SNX30: variants seen among roughly 807,000 people sequenced by gnomAD.
The protein encoded by SNX30 is sorting nexin family member 30.
SNX30 carries 24 observed loss-of-function variants against 46.4 expected under a neutral mutation model. That is an observed-to-expected ratio of 0.52 (90% CI 0.37 to 0.73). The LOEUF is 0.73. SNX30 is among the 30% of genes least tolerant of loss of function. The probability of loss-of-function intolerance (pLI) is 0.00; values close to 1 mark genes in which losing one functional copy is unlikely to be tolerated. For missense variants in SNX30, 533 were observed against 555.7 expected (o/e 0.96, Z 0.41); for synonymous variants, 189 against 211.5 (o/e 0.89, Z 0.92).
intron 1 of SNX30, among the ~76,000 whole-genome samples, chr9:112,784,808 G>A (rs1839896091): frequency 6.6e-6 from 1 of 152,158 alleles, no homozygotes; most frequent in Non-Finnish European, 1.5e-5. Flanking sequence ...CTCCCTCTCT[G>A]AAGCCTTCCT....
At chr9:112,766,815 G>A (rs922201699) in intron 1 of SNX30, among the ~76,000 whole-genome samples, 2 of 152,148 alleles carry the variant, frequency 1.3e-5, no homozygotes, top group Non-Finnish European at 2.9e-5. Flanking sequence ...AGGCTGTATA[G>A]TATTTCATTG....
chr9:112,770,448 G>C (rs113915085), intron 1 of SNX30, among the ~76,000 whole-genome samples: 3 of 152,000 alleles, frequency 2.0e-5, no homozygotes, highest in African/African-American at 7.2e-5. Context: ...TGGGATTACA[G>C]GTATGAGCCA....
chr9:112,829,734 C>CTCCACATCCTCACCAACACTTGTTTTTT (rs1840632248), intron 3 of SNX30, among the ~76,000 whole-genome samples: 1 of 152,082 alleles, frequency 6.6e-6, no homozygotes, highest in East Asian at 1.9e-4. Context: ...GTTCTGATTT[C>CTCCACATCCTCACCAACACTTGTTTTTT]TCCACATCCT....
At chr9:112,815,030 A>C (rs1364816127) in intron 2 of SNX30, among the ~76,000 whole-genome samples, 3 of 152,240 alleles carry the variant, frequency 2.0e-5, no homozygotes, top group Non-Finnish European at 4.4e-5. Flanking sequence ...TGAGTAAATG[A>C]ATGAATATGC....
chr9:112,851,931 A>G (rs1841034299), intron 7 of SNX30, among the ~76,000 whole-genome samples: 1 of 152,234 alleles, frequency 6.6e-6, no homozygotes, highest in South Asian at 2.1e-4. Flanking sequence ...CTTTTAAAAT[A>G]TATACAAACA....
intron 3 of SNX30, among the ~76,000 whole-genome samples, chr9:112,827,651 T>C (rs1840597849): frequency 6.6e-6 from 1 of 152,170 alleles, no homozygotes; most frequent in Admixed American, 6.5e-5. Context: ...AGTCCACTAA[T>C]CCTTGTTGCT....
At chr9:112,814,546 T>TA (rs2131416865) in intron 2 of SNX30, among the ~76,000 whole-genome samples, 1 of 152,318 alleles carries the variant, frequency 6.6e-6, no homozygotes, top group Admixed American at 6.5e-5. Flanking sequence ...TGGCTGGACT[T>TA]ATAATTTTTA....
At chr9:112,820,232 A>AT (rs141902455) in intron 3 of SNX30, among the ~76,000 whole-genome samples, 10,217 of 150,512 alleles carry the variant, frequency 0.068, 446 homozygotes, top group Non-Finnish European at 0.099. Flanking sequence ...CAGAAACTTA[A>AT]TTTTTTTTCA....
intron 1 of SNX30, among the ~76,000 whole-genome samples, chr9:112,762,249 G>A (rs1409787646): frequency 6.6e-6 from 1 of 151,984 alleles, no homozygotes; most frequent in Non-Finnish European, 1.5e-5. Context: ...TGGGGGGGAA[G>A]TGGGATAGTG....
intron 3 of SNX30, among the ~76,000 whole-genome samples, chr9:112,823,269 T>C (rs1247647894): frequency 2.6e-5 from 4 of 152,148 alleles, no homozygotes; most frequent in African/African-American, 4.8e-5. Flanking sequence ...TTGGAATGTA[T>C]CCCCCTAGGA....
intron 1 of SNX30, among the ~76,000 whole-genome samples, chr9:112,783,386 TTAAG>T (rs1001187631): frequency 6.6e-6 from 1 of 152,188 alleles, no homozygotes; most frequent in Admixed American, 6.5e-5. Flanking sequence ...ATTTTAAGGG[TTAAG>T]TGAGACATTT....
intron 4 of SNX30, among the ~76,000 whole-genome samples, chr9:112,835,043 C>T (rs375138407): frequency 8.5e-5 from 13 of 152,252 alleles, no homozygotes; most frequent in African/African-American, 3.1e-4. Flanking sequence ...CCATGTTAGC[C>T]GCACATTCCA....
intron 4 of SNX30, among the ~76,000 whole-genome samples, chr9:112,831,548 G>A (rs1840659462): frequency 6.6e-6 from 1 of 152,188 alleles, no homozygotes; most frequent in Admixed American, 6.5e-5. Flanking sequence ...TTACAGACAA[G>A]GAAACTCAAG....
intron 3 of SNX30, among the ~76,000 whole-genome samples, 163 bp from the exon 4 acceptor site, chr9:112,830,562 G>A (rs1014162639): frequency 1.3e-5 from 2 of 152,038 alleles, no homozygotes; most frequent in African/African-American, 2.4e-5. Flanking sequence ...TTTACTCCAT[G>A]TGTATTTTTC....
intron 1 of SNX30, among the ~76,000 whole-genome samples, chr9:112,765,849 G>C (rs1056246758): frequency 5.9e-5 from 9 of 152,042 alleles, no homozygotes; most frequent in Non-Finnish European, 8.8e-5. Context: ...TGTTGCCCAG[G>C]CTGGAGTGCA....
chr9:112,866,450 G>C (rs777029479), intron 8 of SNX30: 2 of 470,748 alleles, frequency 4.2e-6, no homozygotes, highest in Non-Finnish European at 8.8e-6. Context: ...TAGAAAACTG[G>C]TATGGCCTTG....
chr9:112,787,026 TG>T (rs1243117538), intron 1 of SNX30, among the ~76,000 whole-genome samples: 1 of 152,122 alleles, frequency 6.6e-6, no homozygotes, highest in African/African-American at 2.4e-5. Flanking sequence ...GTCATGTCAG[TG>T]GGAATGTGGG....
upstream of SNX30, among the ~76,000 whole-genome samples, chr9:112,750,172 G>A (rs1177170105): frequency 6.6e-6 from 1 of 152,196 alleles, no homozygotes; most frequent in Non-Finnish European, 1.5e-5. Context: ...TCTGAGGTTT[G>A]ACTTTACACA....
intron 6 of SNX30, among the ~76,000 whole-genome samples, chr9:112,842,615 C>G (rs1588135401): frequency 6.6e-6 from 1 of 152,230 alleles, no homozygotes; most frequent in East Asian, 1.9e-4. Flanking sequence ...TGCATGGCCA[C>G]AGGACTATAC....
Sources: gnomAD v4.1 joint callset for allele counts (sites outside exome capture counted in the v4.1 genomes callset) on GRCh38, gnomAD v4.1.1 for gene constraint, MANE v1.5 for transcripts, NCBI Gene and HGNC (gene_info 2026-07-23, HGNC 2026-07-21) for gene names.